EML6: variants seen among roughly 807,000 people sequenced by gnomAD.
The protein encoded by EML6 is echinoderm microtubule-associated protein-like 6.
A neutral mutation model predicts 240.1 loss-of-function variants in EML6; 154 were observed. That is an observed-to-expected ratio of 0.64 (90% confidence interval 0.56 to 0.73). The LOEUF is 0.73. EML6 is among the 30% of genes least tolerant of loss of function. EML6 has a pLI of 0.00. For synonymous variants in EML6, 1,148 were observed against 899.0 expected (o/e 1.28, Z -4.95); for missense variants, 2,964 against 2,474.6 (o/e 1.20, Z -4.20).
chr2:54,912,091 A>G (rs561893477), intron 25 of EML6, among the ~76,000 whole-genome samples: 2 of 152,214 alleles, frequency 1.3e-5, no homozygotes, highest in Non-Finnish European at 2.9e-5. Flanking sequence ...AAACTGTCCC[A>G]GTATTGTAAG....
intron 7 of EML6, among the ~76,000 whole-genome samples, chr2:54,830,063 G>A (rs923925431): frequency 1.3e-5 from 2 of 152,158 alleles, no homozygotes; most frequent in African/African-American, 4.8e-5. Flanking sequence ...AAAATGCTCA[G>A]GATGAGGACT....
At chr2:54,790,585 C>A (rs1396713877) in intron 2 of EML6, among the ~76,000 whole-genome samples, 1 of 152,146 alleles carries the variant, frequency 6.6e-6, no homozygotes, top group Non-Finnish European at 1.5e-5. Flanking sequence ...CAAGGACCTA[C>A]ATTTTAATAG....
At chr2:54,864,476 A>G (rs1056430253) in intron 13 of EML6, among the ~76,000 whole-genome samples, 1 of 152,236 alleles carries the variant, frequency 6.6e-6, no homozygotes, top group Non-Finnish European at 1.5e-5. Flanking sequence ...TTTTAGCACT[A>G]AACAGTGTTA....
intron 29 of EML6, 82 bp downstream of exon 29, chr2:54,949,042 A>C (rs1273318815): frequency 9.7e-7 from 1 of 1,035,200 alleles, no homozygotes; most frequent in Non-Finnish European, 1.5e-6. Context: ...CGTCCCAAAG[A>C]CACAGTCAAA....
rs1682873623 is a variant in EML6 at position 54,725,561 on chromosome 2, T to C, written c.197+303T>C. On this transcript the variant is annotated intron_variant, in intron 2 of 41. Coordinates refer to ENST00000356458, the MANE Select transcript of EML6 (RefSeq NM_001039753.4). This position sits in a 1 kb window ranked among gnomAD's most constrained non-coding sequence, Gnocchi z 4.3. ...TTTCCTGCTACAAGTGGAAGGAGCCTGGGTAACTATGAAACACTTCTTCCT... is the reference window on the plus strand; with the variant it reads ...TTTCCTGCTACAAGTGGAAGGAGCCCGGGTAACTATGAAACACTTCTTCCT... 6.6e-6 allele frequency among the ~76,000 whole-genome samples: 1 copy of C among 152,190 alleles called. No individual in the cohort carries two copies.
intron 14 of EML6, 172 bp downstream of exon 14, chr2:54,867,056 C>G (rs761943084): frequency 6.3e-6 from 3 of 474,018 alleles, no homozygotes; most frequent in African/African-American, 3.9e-5. Context: ...GTGTGACTCT[C>G]TATCCACTTC....
Position 54,850,057 on chromosome 2 carries a change from A to C in EML6, c.1283A>C (p.Asn428Thr). The change falls in exon 10 of 42, where the codon AAT becomes ACT. Residue 428 changes from asparagine (N) to threonine (T), a missense_variant. Asn to Thr is a moderately conservative substitution (Grantham distance 65). Transcript: ENST00000356458. ...GGTTCTTACCTTGCAGTGGGATCCA[A>C]TGATGGCCCAGTAGATGTCTATGCT... ...PDGSYLAVGSNDGPVDVYAVA... is the reference protein window; with the variant it reads ...PDGSYLAVGSTDGPVDVYAVA... 1 of 1,552,106 alleles carries C rather than the reference A, an allele frequency of 6.4e-7. No individual in the cohort carries two copies. The highest frequency in any genetic ancestry group is 8.7e-7 in the Non-Finnish European group (1 of 1,147,068).
intron 40 of EML6, 144 bp from the exon 41 acceptor site, chr2:54,968,524 C>A (rs1442686091): frequency 1.5e-6 from 1 of 674,816 alleles, no homozygotes; most frequent in African/African-American, 1.8e-5. Context: ...CAGCCAAAGG[C>A]TGGCTAATAG....
At chr2:54,842,733 G>C (rs955682447) in intron 7 of EML6, among the ~76,000 whole-genome samples, 6 of 152,260 alleles carry the variant, frequency 3.9e-5, no homozygotes, top group African/African-American at 9.6e-5. Flanking sequence ...GAACAGAACA[G>C]ACTGCAAAAA....
Position 54,813,293 on chromosome 2 carries a change from A to T in EML6, c.259A>T (p.Ile87Leu). 1 of 1,550,010 alleles carries T rather than the reference A, an allele frequency of 6.5e-7. No individual in the cohort carries two copies. Among genetic ancestry groups the T allele is most frequent in the Non-Finnish European group, 8.7e-7 (1 of 1,145,448 alleles). ...TGGCCAAGTCGGGAAGGAGCCATAT[A>T]TATGCATATGGGATTCCTATAATGT... ...ATGQVGKEPY[I>L]CIWDSYNVQT... The change falls in exon 3 of 42, where the codon ATA (isoleucine) becomes TTA (leucine). Residue 87 changes from isoleucine to leucine, a missense_variant. Physicochemically the swap from Ile to Leu is conservative, Grantham distance 5. Transcript: ENST00000356458.
chr2:54,960,408 T>A, intron 35 of EML6, 74 bp downstream of exon 35: 1 of 1,105,270 alleles, frequency 9.0e-7, no homozygotes, highest in Non-Finnish European at 1.3e-6. Context: ...GCCGGCACTT[T>A]CTCTGGGCTG....
At chr2:54,958,495 A>AT (rs149140092) in intron 33 of EML6, among the ~76,000 whole-genome samples, 7,851 of 150,336 alleles carry the variant, frequency 0.052, 643 homozygotes, top group African/African-American at 0.18. Context: ...CCTGGCCAAT[A>AT]TTTTTTTTTT....
chr2:54,844,146 C>G lies in EML6; in HGVS notation c.947C>G (p.Pro316Arg). The G allele has an allele frequency of 1.3e-6, 2 of 1,551,622 alleles. No homozygotes were observed. Among genetic ancestry groups the G allele is most frequent in the East Asian group, 4.9e-5 (2 of 40,912 alleles). ...GTGATTGTGCGAGAGCGAGACAAGC[C>G]GATGTTGATCCTACAGGGCCACTGC... is the stretch of plus-strand genomic sequence containing the variant. ...FEVIVRERDK[P>R]MLILQGHCEG... Residue 316 changes from proline to arginine, a missense_variant, in exon 8 of 42, where the codon CCG (proline) becomes CGG (arginine). Physicochemically the swap from Pro to Arg is moderately radical, Grantham distance 103. Coordinates refer to ENST00000356458, the MANE Select transcript of EML6 (RefSeq NM_001039753.4).
intron 2 of EML6, among the ~76,000 whole-genome samples, chr2:54,810,975 C>T (rs1667814020): frequency 6.6e-6 from 1 of 152,164 alleles, no homozygotes; most frequent in East Asian, 1.9e-4. Flanking sequence ...GAGTTACAAA[C>T]CTTGTTGCCC....
intron 2 of EML6, among the ~76,000 whole-genome samples, chr2:54,789,628 G>C (rs913826443): frequency 3.6e-4 from 54 of 150,660 alleles, no homozygotes; most frequent in African/African-American, 1.2e-3. Flanking sequence ...ACTTGTATTG[G>C]TTTTCTTCTC....
chr2:54,958,323 C>T (rs1676331651), intron 33 of EML6, among the ~76,000 whole-genome samples: 1 of 152,118 alleles, frequency 6.6e-6, no homozygotes, highest in Admixed American at 6.5e-5. Context: ...TCCCAAGTAG[C>T]TGGGACTATA....
chr2:54,862,987 G>A (rs757457976), intron 12 of EML6, among the ~76,000 whole-genome samples: 1 of 152,202 alleles, frequency 6.6e-6, no homozygotes, highest in East Asian at 1.9e-4. Context: ...CTTCAGAATG[G>A]GGCTCAAGCA....
intron 7 of EML6, among the ~76,000 whole-genome samples, chr2:54,832,176 G>T (rs1668905672): frequency 6.6e-6 from 1 of 152,182 alleles, no homozygotes; most frequent in Non-Finnish European, 1.5e-5. Flanking sequence ...AAAGGCTCCT[G>T]GTTTGAATTA....
At chr2:54,792,515 G>A (rs1669509666) in intron 2 of EML6, among the ~76,000 whole-genome samples, 1 of 152,214 alleles carries the variant, frequency 6.6e-6, no homozygotes, top group South Asian at 2.1e-4. Flanking sequence ...GTTGATAGCG[G>A]CTATATTTGT....
Sources: gnomAD v4.1 joint callset for allele counts (sites outside exome capture counted in the v4.1 genomes callset) on GRCh38, gnomAD v4.1.1 for gene constraint, Gnocchi (gnomAD v3.1) non-coding constraint, MANE v1.5 for transcripts, NCBI Gene and HGNC (gene_info 2026-07-23, HGNC 2026-07-21) for gene names.